Variants in STRN observed in about 807,000 individuals in gnomAD.
STRN encodes protein phosphatase 2 regulatory subunit B'''alpha.
STRN carries 53 observed loss-of-function variants against 96.3 expected under a neutral mutation model. The ratio of observed to expected loss-of-function variants is 0.55; its 90% CI spans 0.44 to 0.69. STRN has a LOEUF of 0.69. STRN is among the 30% of genes least tolerant of loss of function. The pLI is 0.00. For synonymous variants in STRN, 428 were observed against 355.9 expected (o/e 1.20, Z -2.28); for missense variants, 987 against 963.9 (o/e 1.02, Z -0.32).
At chr2:36,910,994 T>G (rs1036841649) in intron 3 of STRN, among the ~76,000 whole-genome samples, 5 of 152,208 alleles carry the variant, frequency 3.3e-5, no homozygotes, top group African/African-American at 1.2e-4. Flanking sequence ...AATGTCTGGT[T>G]ATCAGTTTTA....
intron 5 of STRN, among the ~76,000 whole-genome samples, chr2:36,900,972 A>C (rs892901380): frequency 3.3e-5 from 5 of 151,848 alleles, no homozygotes; most frequent in Non-Finnish European, 7.4e-5. Flanking sequence ...CCAGTTCATT[A>C]GGTAATCTTT....
At chr2:36,915,646 TTA>T (rs1670077213) in intron 3 of STRN, among the ~76,000 whole-genome samples, 1 of 152,122 alleles carries the variant, frequency 6.6e-6, no homozygotes, top group Non-Finnish European at 1.5e-5. Flanking sequence ...AACCGAAGAA[TTA>T]TGTTTTTGGG....
At chr2:36,921,037 T>G (rs1338555402) in intron 2 of STRN, among the ~76,000 whole-genome samples, 1 of 149,752 alleles carries the variant, frequency 6.7e-6, no homozygotes, top group African/African-American at 2.5e-5. Flanking sequence ...ATCACACCAC[T>G]GCACTCCAGC....
intron 10 of STRN, among the ~76,000 whole-genome samples, chr2:36,876,307 T>A (rs780980805): frequency 6.6e-6 from 1 of 151,602 alleles, no homozygotes; most frequent in African/African-American, 2.4e-5. Context: ...TAAATCTGTA[T>A]CATATTTGTG....
chr2:36,850,590 G>A (rs1668193873), intron 16 of STRN, among the ~76,000 whole-genome samples: 1 of 152,246 alleles, frequency 6.6e-6, no homozygotes, highest in Admixed American at 6.5e-5. Flanking sequence ...ATTGAATAAT[G>A]CTATTCAATA....
intron 3 of STRN, among the ~76,000 whole-genome samples, chr2:36,907,325 G>A (rs112757839): frequency 2.2e-4 from 34 of 152,282 alleles, no homozygotes; most frequent in African/African-American, 7.0e-4. Flanking sequence ...CAAGGTGGGC[G>A]GATCACAAGG....
chr2:36,944,002 C>A (rs1423563092), intron 1 of STRN, among the ~76,000 whole-genome samples: 1 of 152,140 alleles, frequency 6.6e-6, no homozygotes, highest in Admixed American at 6.5e-5. Context: ...CACCTGTAAT[C>A]CCAGCTACTT....
At position 36,950,213 on chromosome 2, in the gene STRN, G is replaced by GTTTTTTT. The variant is rs745506504; in HGVS notation, c.234+16010_234+16016dup. On this transcript the variant is annotated intron_variant, in intron 1 of 17. Transcript: ENST00000263918. ...GTTACTGGTTGGTTGGTTTGGTTTT[G>GTTTTTTT]TTTTTTTTTTTTTTTTTTTTGAGAC... is the stretch of plus-strand genomic sequence containing the variant. Among the ~76,000 whole-genome samples, 197 of 108,986 alleles carry GTTTTTTT rather than the reference G, an allele frequency of 1.8e-3. 3 individuals are homozygous for GTTTTTTT. Among genetic ancestry groups the GTTTTTTT allele is most frequent in the East Asian group, 7.5e-3 (25 of 3,328 alleles). 71.5% of individuals were successfully genotyped at this position (108,986 alleles called of 152,430 possible). A position where few individuals can be genotyped will look rare whatever the true frequency, so the allele number is the denominator to read the frequency against.
At chr2:36,873,934 T>G (rs1233615438) in intron 10 of STRN, among the ~76,000 whole-genome samples, 2 of 61,980 alleles carry the variant, frequency 3.2e-5, no homozygotes, top group African/African-American at 9.7e-5. Flanking sequence ...AAAGCGAGAC[T>G]CCGCCTCAAA....
In STRN at chr2:36,867,763, G is replaced by A. The variant is rs1323056220; in HGVS notation, c.1547+51C>T. The A allele has an allele frequency of 8.1e-6, 10 of 1,228,798 alleles. No individual in the cohort carries two copies. The South Asian group carries it at 9.9e-5, about 12-fold the overall frequency. The allele number at this position is 1,228,798 out of a possible 1,614,324, so 76.1% of individuals were successfully genotyped here. ...GAAAGAAAATAAAATATCCTAACCA[G>A]GCTATTTTACAGAGATATCGGTTTA... On this transcript the variant is annotated intron_variant, in intron 12 of 17. Transcript: ENST00000263918.
intron 1 of STRN, among the ~76,000 whole-genome samples, chr2:36,937,285 G>A (rs1212165182): frequency 4.6e-5 from 7 of 150,550 alleles, no homozygotes; most frequent in Non-Finnish European, 8.9e-5. Flanking sequence ...TGGAGGTTGC[G>A]GTGAGCCAAG....
intron 1 of STRN, among the ~76,000 whole-genome samples, chr2:36,954,435 C>T (rs1311122446): frequency 6.6e-6 from 1 of 150,646 alleles, no homozygotes; most frequent in Non-Finnish European, 1.5e-5. Context: ...TTGTTTGAAC[C>T]CAGTAGGCAG....
chr2:36,853,050 G>C (rs1337518081), intron 15 of STRN, among the ~76,000 whole-genome samples: 1 of 152,166 alleles, frequency 6.6e-6, no homozygotes, highest in African/African-American at 2.4e-5. Flanking sequence ...CCAGCTACTT[G>C]GGAGGCTGAG....
In STRN at chr2:36,893,882, C is replaced by A. The variant is rs1558641181; in HGVS notation, c.931+16G>T. The A allele has an allele frequency of 5.0e-6, 8 of 1,587,388 alleles. No individual in the cohort carries two copies. In the East Asian group the frequency reaches 1.8e-4, roughly 36 times the overall value. ...TTTACTTAACATCTCTGGTTGGATC[C>A]AGTATGCTTCCTTACCCCAGTCTGT... On this transcript the variant is annotated intron_variant, in intron 7 of 17. Coordinates refer to ENST00000263918, the MANE Select transcript of STRN (RefSeq NM_003162.4).
At chr2:36,918,129 C>A (rs1482114334) in intron 2 of STRN, among the ~76,000 whole-genome samples, 3 of 152,100 alleles carry the variant, frequency 2.0e-5, no homozygotes, top group South Asian at 2.1e-4. Flanking sequence ...TTTAGAACAT[C>A]TATTTTCAAT....
At chr2:36,916,464 T>G (rs956954013) in intron 2 of STRN, among the ~76,000 whole-genome samples, 2 of 151,712 alleles carry the variant, frequency 1.3e-5, no homozygotes, top group Admixed American at 1.3e-4. Flanking sequence ...TCCTGATGAT[T>G]GCCAAAGCTA....
At position 36,852,187 on chromosome 2, in the gene STRN, C is replaced by T. The variant is rs138095852; in HGVS notation, c.1979-1080G>A. Among the ~76,000 whole-genome samples, 804 of 152,270 alleles carry T rather than the reference C, an allele frequency of 5.3e-3. 6 individuals carry two copies. Among genetic ancestry groups the T allele is most frequent in the African/African-American group, 0.018 (748 of 41,556 alleles). On this transcript the variant is annotated intron_variant, in intron 15 of 17. Coordinates refer to ENST00000263918, the MANE Select transcript of STRN (RefSeq NM_003162.4). ...ATGATCACACATTCTTCCTGAAAGG[C>T]TTTTATTAAAAAGAAATCAGTAATT...
intron 9 of STRN, among the ~76,000 whole-genome samples, chr2:36,881,214 G>A (rs1201089722): frequency 7.6e-6 from 1 of 130,952 alleles, no homozygotes; most frequent in East Asian, 2.5e-4. Flanking sequence ...TGCAACCTCC[G>A]CCTCCTGGGT....
chr2:36,943,155 ATTC>A (rs1670888306), intron 1 of STRN, among the ~76,000 whole-genome samples: 1 of 152,152 alleles, frequency 6.6e-6, no homozygotes, highest in Non-Finnish European at 1.5e-5. Context: ...GATTTTTTAA[ATTC>A]TTGTTAGTAA....
Sources: gnomAD v4.1 joint callset for allele counts (sites outside exome capture counted in the v4.1 genomes callset) on GRCh38, gnomAD v4.1.1 for gene constraint, MANE v1.5 for transcripts, NCBI Gene and HGNC (gene_info 2026-07-23, HGNC 2026-07-21) for gene names.